PACRG: variants seen among roughly 807,000 people sequenced by gnomAD.
PACRG encodes the protein parkin coregulated gene protein.
Under a neutral mutation model 29.7 loss-of-function variants are expected in PACRG, and 29 were observed. The ratio of observed to expected loss-of-function variants is 0.98; its 90% CI spans 0.73 to 1.33. PACRG has a LOEUF of 1.33. PACRG is among the 40% of genes most tolerant of loss of function. The probability of loss-of-function intolerance (pLI) is 0.00; values close to 1 mark genes in which losing one functional copy is unlikely to be tolerated. For missense variants in PACRG, 279 were observed against 316.2 expected (o/e 0.88, Z 0.89); for synonymous variants, 116 against 118.7 (o/e 0.98, Z 0.15).
At chr6:163,290,340 C>T (rs1289797267) in intron 4 of PACRG, among the ~76,000 whole-genome samples, 1 of 150,394 alleles carries the variant, frequency 6.6e-6, no homozygotes, top group African/African-American at 2.5e-5. Flanking sequence ...CACTGAGTGA[C>T]CATCTTAATG....
intron 4 of PACRG, among the ~76,000 whole-genome samples, chr6:163,203,871 C>G (rs1008290762): frequency 6.6e-6 from 1 of 152,236 alleles, no homozygotes; most frequent in Non-Finnish European, 1.5e-5. Flanking sequence ...ATTCAGTACA[C>G]ATTTTCCACA....
rs144127701 is a variant in PACRG, at chr6:163,068,919, CTT to C, written c.463+6599_463+6600del. Among the ~76,000 whole-genome samples, 171 of 152,074 alleles carry C rather than the reference CTT, an allele frequency of 1.1e-3. 3 individuals are homozygous for C. In the East Asian group the frequency reaches 0.017, roughly 15 times the overall value. ...TAGCAGTTTCTTTTTGGCTTCCTGA[CTT>C]ATTATTTTTTTGACTTATTCAGTAA... On this transcript the variant is annotated intron_variant, in intron 3 of 4. Transcript: ENST00000366888.
chr6:162,842,421 C>T (rs1789874285), intron 2 of PACRG, among the ~76,000 whole-genome samples: 2 of 151,638 alleles, frequency 1.3e-5, no homozygotes, highest in African/African-American at 4.9e-5. Context: ...ATTGCAGCCC[C>T]TGCCTTTTTT....
intron 2 of PACRG, among the ~76,000 whole-genome samples, chr6:162,830,717 C>T (rs1030127385): frequency 3.3e-5 from 5 of 152,140 alleles, no homozygotes; most frequent in African/African-American, 4.8e-5. Context: ...GGGGGGTAGA[C>T]GTCTTACATT....
At chr6:163,233,743 T>C (rs2128164753) in intron 4 of PACRG, among the ~76,000 whole-genome samples, 1 of 152,152 alleles carries the variant, frequency 6.6e-6, no homozygotes, top group South Asian at 2.1e-4. Flanking sequence ...CAGGTCTTAA[T>C]AACACAGAAT....
intron 2 of PACRG, among the ~76,000 whole-genome samples, chr6:162,910,360 A>T (rs1163826617): frequency 1.3e-5 from 2 of 152,216 alleles, no homozygotes; most frequent in Non-Finnish European, 2.9e-5. Flanking sequence ...TGGAAGAAGG[A>T]TACAGGGAAA....
intron 2 of PACRG, among the ~76,000 whole-genome samples, chr6:162,932,999 G>T (rs1797963650): frequency 6.6e-6 from 1 of 151,674 alleles, no homozygotes; most frequent in Non-Finnish European, 1.5e-5. Flanking sequence ...GTTTATTGCT[G>T]TAAACTTTCC....
At chr6:162,842,443 T>G (rs894275247) in intron 2 of PACRG, among the ~76,000 whole-genome samples, 1 of 152,010 alleles carries the variant, frequency 6.6e-6, no homozygotes, top group African/African-American at 2.4e-5. Flanking sequence ...GTTTTCCATT[T>G]GCTTGGTAGA....
chr6:162,798,198 G>T (rs950199955), intron 1 of PACRG, among the ~76,000 whole-genome samples: 1 of 152,116 alleles, frequency 6.6e-6, no homozygotes, highest in Admixed American at 6.5e-5. Context: ...TCTCTATTCT[G>T]TCGGAAAGAA....
chr6:162,736,440 A>G (rs1032088275), intron 1 of PACRG, among the ~76,000 whole-genome samples: 5 of 152,212 alleles, frequency 3.3e-5, no homozygotes, highest in Admixed American at 2.6e-4. Context: ...TGGGAGCAAG[A>G]TAGCTGCGTT....
At chr6:162,901,464 T>C (rs554209345) in intron 2 of PACRG, among the ~76,000 whole-genome samples, 1 of 152,346 alleles carries the variant, frequency 6.6e-6, no homozygotes, top group South Asian at 2.1e-4. Context: ...CTCTAAGGCA[T>C]GTACTGTTCC....
chr6:162,914,639 C>A (rs1484185588), intron 2 of PACRG, among the ~76,000 whole-genome samples: 1 of 144,592 alleles, frequency 6.9e-6, no homozygotes, highest in Non-Finnish European at 1.5e-5. Context: ...TTTAGGATTG[C>A]ATTGAATCTA....
intron 4 of PACRG, among the ~76,000 whole-genome samples, chr6:163,269,464 C>T (rs1251880292): frequency 6.6e-6 from 1 of 152,136 alleles, no homozygotes; most frequent in African/African-American, 2.4e-5. Context: ...ATGGAGCTTC[C>T]CAAATTCCTG....
chr6:163,061,099 A>G (rs958265240), intron 2 of PACRG, among the ~76,000 whole-genome samples: 1 of 152,204 alleles, frequency 6.6e-6, no homozygotes, highest in African/African-American at 2.4e-5. Flanking sequence ...TCACTTGATT[A>G]GAAGGTGGTA....
intron 4 of PACRG, among the ~76,000 whole-genome samples, chr6:163,295,874 T>G (rs991309655): frequency 1.3e-5 from 2 of 151,756 alleles, no homozygotes; most frequent in Non-Finnish European, 2.9e-5. Context: ...GGAGCATACA[T>G]AAAACTCCTA....
chr6:162,741,370 G>C lies in PACRG; in HGVS notation c.156+12979G>C, dbSNP rs2128261698. On this transcript the variant is annotated intron_variant, in intron 1 of 4. Coordinates refer to ENST00000366888, the MANE Select transcript of PACRG (RefSeq NM_001080379.2). ...GGTGGCTTAAACATTTATTTCTCAT[G>C]GTTCTGGAGACTGGGAAGTTCAAGG... Among the ~76,000 whole-genome samples, 5 of 152,274 alleles carry C rather than the reference G, an allele frequency of 3.3e-5. 1 individual carries two copies. In the Middle Eastern group the frequency reaches 0.017, roughly 518 times the overall value.
chr6:162,926,792 A>G (rs540465608), intron 2 of PACRG, among the ~76,000 whole-genome samples: 9 of 152,344 alleles, frequency 5.9e-5, no homozygotes, highest in Non-Finnish European at 1.0e-4. Flanking sequence ...AACAAAAGCA[A>G]AAATTAGCAA....
At chr6:163,074,032 AAG>A (rs1030371865) in intron 3 of PACRG, among the ~76,000 whole-genome samples, 2 of 152,272 alleles carry the variant, frequency 1.3e-5, no homozygotes, top group African/African-American at 4.8e-5. Context: ...AAAAAACTAA[AAG>A]AGAGCTGCCA....
chr6:163,233,774 G>A (rs1782132736), intron 4 of PACRG, among the ~76,000 whole-genome samples: 1 of 152,186 alleles, frequency 6.6e-6, no homozygotes. Context: ...GAAGTAGGAT[G>A]AGTAAAAGAT....
Sources: allele counts gnomAD v4.1 joint callset (sites outside exome capture counted in the v4.1 genomes callset), GRCh38; gene constraint gnomAD v4.1.1; transcripts MANE v1.5; gene names NCBI Gene and HGNC (gene_info 2026-07-23, HGNC 2026-07-21).